The following VSIR variants were observed in gnomAD, a reference collection of about 807,000 sequenced individuals.
VSIR encodes V-type immunoglobulin domain-containing suppressor of T-cell activation.
Under a neutral mutation model 31.0 loss-of-function variants are expected in VSIR, and 10 were observed. The observed-to-expected ratio is 0.32, with a 90% CI of 0.20 to 0.55. The LOEUF is 0.55. Among genes scored for constraint, VSIR ranks in the 20% least tolerant of loss-of-function variants. VSIR has a pLI of 0.93. For synonymous variants in VSIR, 179 were observed against 180.1 expected (o/e 0.99, Z 0.05); for missense variants, 356 against 416.2 (o/e 0.86, Z 1.26).
At chr10:71,773,274 A>G in intron 1 of VSIR, 84 bp downstream of exon 1, 1 of 1,443,092 alleles carries the variant, frequency 6.9e-7, no homozygotes. Flanking sequence ...GAGGGCCCCC[A>G]GGACGCCCCC....
At chr10:71,771,739 GAGTAA>G (rs1176934297) in intron 1 of VSIR, among the ~76,000 whole-genome samples, 1 of 152,196 alleles carries the variant, frequency 6.6e-6, no homozygotes, top group Non-Finnish European at 1.5e-5. Flanking sequence ...AGACCTCTGG[GAGTAA>G]AGGCCCCTGG....
intron 5 of VSIR, chr10:71,752,141 CA>C: frequency 5.0e-6 from 3 of 597,156 alleles, no homozygotes; most frequent in East Asian, 3.3e-5. Flanking sequence ...GCCAGGAAGC[CA>C]AAAATCACAG....
At chr10:71,753,150 G>A (rs1021012701) in intron 4 of VSIR, 148 bp from the exon 5 acceptor site, 3 of 836,816 alleles carry the variant, frequency 3.6e-6, no homozygotes, top group Admixed American at 7.6e-5. Context: ...TTTTCACATG[G>A]GTGCTGTCCA....
intron 4 of VSIR, chr10:71,753,935 G>A (rs1840068825): frequency 6.6e-6 from 3 of 453,666 alleles, no homozygotes; most frequent in Non-Finnish European, 8.9e-6. Flanking sequence ...GCCACCCTTT[G>A]GGGTGAGGGT....
chr10:71,764,417 C>G (rs1271783393), intron 1 of VSIR, among the ~76,000 whole-genome samples: 1 of 152,126 alleles, frequency 6.6e-6, no homozygotes, highest in East Asian at 1.9e-4. Context: ...AAAAAAAGGC[C>G]AGAAACTGGG....
rs747433704 is a variant in VSIR at position 71,761,926 on chromosome 10, G to T, written c.183C>A (p.Asp61Glu). 3 of 1,613,946 alleles carry T rather than the reference G, an allele frequency of 1.9e-6. No homozygotes were observed. The highest frequency in any genetic ancestry group is 2.5e-6 in the Non-Finnish European group (3 of 1,180,028). Residue 61 changes from aspartate (D) to glutamate (E), a missense_variant, in exon 2 of 7, where the codon GAC becomes GAA. Physicochemically the swap from Asp to Glu is conservative, Grantham distance 45. Coordinates refer to ENST00000394957, the MANE Select transcript of VSIR (RefSeq NM_022153.2). ...TGTAGAAGGTCACATCGTGCCCTTT[G>T]TCCACAGGGCCCAAGAGCCTGCAGG... ...TLTCRLLGPV[D>E]KGHDVTFYKT...
chr10:71,752,913 A>G, intron 5 of VSIR, 62 bp downstream of exon 5: 1 of 1,584,146 alleles, frequency 6.3e-7, no homozygotes, highest in Non-Finnish European at 8.6e-7. Flanking sequence ...ACTGCACAGA[A>G]GTATCTCTTC....
chr10:71,756,990 A>G (rs990562513), intron 3 of VSIR, among the ~76,000 whole-genome samples: 4 of 152,260 alleles, frequency 2.6e-5, no homozygotes, highest in Non-Finnish European at 5.9e-5. Flanking sequence ...TATGCTAATT[A>G]CAAAGCAAGT....
At position 71,765,310 on chromosome 10, in the gene VSIR, T is replaced by C. The variant is rs1364472570; in HGVS notation, c.83-3284A>G. On this transcript the variant is annotated intron_variant, in intron 1 of 6. Coordinates refer to ENST00000394957, the MANE Select transcript of VSIR (RefSeq NM_022153.2). The stretch of plus-strand genomic sequence containing the variant: ...AGTATTTACCACCAGCACACATACC[T>C]TGGGGGCTGGCCAAAGGGCTGGCTC... Among the ~76,000 whole-genome samples the C allele has an allele frequency of 3.9e-5, 6 of 152,294 alleles. No homozygotes were observed. The East Asian group carries it at 1.2e-3, about 29-fold the overall frequency.
At chr10:71,765,162 G>T (rs1485350311) in intron 1 of VSIR, among the ~76,000 whole-genome samples, 1 of 152,230 alleles carries the variant, frequency 6.6e-6, no homozygotes, top group Non-Finnish European at 1.5e-5. Context: ...AGCAGGCCAT[G>T]TGGCAGGTCC....
chr10:71,763,314 A>G (rs1428486535), intron 1 of VSIR, among the ~76,000 whole-genome samples: 1 of 152,162 alleles, frequency 6.6e-6, no homozygotes, highest in Non-Finnish European at 1.5e-5. Context: ...GGCCAGTGGT[A>G]TTTTTATTTT....
At chr10:71,756,880 G>A (rs977595204) in intron 3 of VSIR, among the ~76,000 whole-genome samples, 10 of 152,286 alleles carry the variant, frequency 6.6e-5, no homozygotes, top group Admixed American at 2.0e-4. Flanking sequence ...TCTACAATCC[G>A]ACAGCGTAAA....
At chr10:71,754,339 G>T (rs1208423879) in intron 4 of VSIR, among the ~76,000 whole-genome samples, 2 of 152,172 alleles carry the variant, frequency 1.3e-5, no homozygotes, top group African/African-American at 4.8e-5. Flanking sequence ...GGGGCCCCCG[G>T]GAATGAGGGG....
At chr10:71,752,031 A>G in intron 5 of VSIR, 170 bp from the exon 6 acceptor site, 1 of 787,934 alleles carries the variant, frequency 1.3e-6, no homozygotes, top group Non-Finnish European at 2.2e-6. Context: ...AGCAAAGGCC[A>G]TGGGCTGCAC....
intron 1 of VSIR, among the ~76,000 whole-genome samples, chr10:71,766,533 A>C (rs1840549179): frequency 6.6e-6 from 1 of 151,916 alleles, no homozygotes; most frequent in South Asian, 2.1e-4. Flanking sequence ...GGCAGATCCC[A>C]CCCTTCTCTG....
Position 71,761,986 on chromosome 10 carries a change from C to T in VSIR, c.123G>A (p.Leu41=), listed in dbSNP as rs752528406. The change falls in exon 2 of 7, where the codon CTG becomes CTA. Residue 41 remains leucine (L), a synonymous_variant. Transcript: ENST00000394957. ...CGTTCTGCCCCTCGGGACAGACATACAGGGAATACGGCGTGGCGACCTTGA... is the reference window on the plus strand; with the variant it reads ...CGTTCTGCCCCTCGGGACAGACATATAGGGAATACGGCGTGGCGACCTTGA... The part of the protein sequence containing the change: ...AAFKVATPYS[L]YVCPEGQNVT... The T allele has an allele frequency of 6.2e-7, 1 of 1,613,010 alleles. No individual in the cohort carries two copies. Among genetic ancestry groups the T allele is most frequent in the South Asian group, 1.1e-5 (1 of 91,044 alleles).
intron 1 of VSIR, among the ~76,000 whole-genome samples, chr10:71,766,191 C>T (rs142252930): frequency 6.6e-6 from 1 of 152,350 alleles, no homozygotes; most frequent in Non-Finnish European, 1.5e-5. Context: ...TCCTTTTGGA[C>T]ACCTGGGTCA....
chr10:71,773,301 T>A, intron 1 of VSIR, 57 bp downstream of exon 1: 1 of 1,539,250 alleles, frequency 6.5e-7, no homozygotes, highest in Non-Finnish European at 8.8e-7. Context: ...CAGTTCCCAC[T>A]CCAGTCTGCT....
intron 4 of VSIR, chr10:71,755,096 C>A: frequency 3.2e-6 from 2 of 621,550 alleles, no homozygotes; most frequent in Non-Finnish European, 6.0e-6. Context: ...TATGATCATT[C>A]ATTCAGAAGA....
Sources: gnomAD v4.1 joint callset for allele counts (sites outside exome capture counted in the v4.1 genomes callset) on GRCh38, gnomAD v4.1.1 for gene constraint, MANE v1.5 for transcripts, NCBI Gene and HGNC (gene_info 2026-07-23, HGNC 2026-07-21) for gene names.